The following DOCK8 variants were observed in gnomAD, a reference collection of about 807,000 sequenced individuals.
DOCK8 encodes the protein dedicator of cytokinesis 8.
DOCK8 carries 141 observed loss-of-function variants against 245.6 expected under a neutral mutation model. The observed-to-expected ratio is 0.57, with a 90% CI of 0.50 to 0.66. The LOEUF is 0.66. DOCK8 is among the 30% of genes least tolerant of loss of function. DOCK8 has a pLI of 0.00. For synonymous variants in DOCK8, 1,168 were observed against 970.2 expected, an observed-to-expected ratio of 1.20 and a Z score of -3.79; for missense variants, 2,965 against 2,603.4, an observed-to-expected ratio of 1.14 and a Z score of -3.02.
chr9:260,172 C>T (rs1360059015), intron 1 of DOCK8, among the ~76,000 whole-genome samples: 6 of 152,226 alleles, frequency 3.9e-5, no homozygotes, highest in Non-Finnish European at 7.3e-5. Flanking sequence ...ACCTGTTTAT[C>T]CAACTGCCAA....
intron 9 of DOCK8, among the ~76,000 whole-genome samples, chr9:331,669 T>C (rs2051020012): frequency 6.6e-6 from 1 of 152,244 alleles, no homozygotes; most frequent in Non-Finnish European, 1.5e-5. Context: ...CTTTTAAATA[T>C]GGTGCCCAAA....
At chr9:359,339 C>T (rs1321055100) in intron 14 of DOCK8, among the ~76,000 whole-genome samples, 4 of 152,192 alleles carry the variant, frequency 2.6e-5, no homozygotes, top group African/African-American at 9.6e-5. Flanking sequence ...GCTGTGTTAC[C>T]TGGTACAAGT....
At chr9:440,678 T>G (rs1317366566) in intron 40 of DOCK8, among the ~76,000 whole-genome samples, 1 of 152,212 alleles carries the variant, frequency 6.6e-6, no homozygotes, top group Non-Finnish European at 1.5e-5. Flanking sequence ...ACTGCCTTTC[T>G]GAATTGCTGT....
chr9:368,219 G>A (rs774360150), intron 15 of DOCK8, 84 bp downstream of exon 15: 5 of 1,168,316 alleles, frequency 4.3e-6, no homozygotes, highest in South Asian at 2.4e-5. Context: ...ACTCATCAGT[G>A]TACAAAGTCC....
intron 26 of DOCK8, among the ~76,000 whole-genome samples, chr9:400,995 C>G (rs10974145): frequency 1.8e-5 from 1 of 54,636 alleles, no homozygotes; most frequent in Non-Finnish European, 2.9e-5. Context: ...TCCTCCACCA[C>G]CACCACCATT....
At chr9:453,716 C>T (rs888143637) in intron 46 of DOCK8, among the ~76,000 whole-genome samples, 4 of 152,158 alleles carry the variant, frequency 2.6e-5, no homozygotes, top group African/African-American at 9.7e-5. Context: ...CATATACCAC[C>T]GTGCCCGGCC....
chr9:412,615 T>A (rs879476538), intron 28 of DOCK8, among the ~76,000 whole-genome samples: 5 of 152,074 alleles, frequency 3.3e-5, no homozygotes, highest in Non-Finnish European at 7.4e-5. Context: ...TTCTATACAC[T>A]TACGATGAGC....
intron 7 of DOCK8, 150 bp downstream of exon 7, chr9:317,278 T>C (rs2050388461): frequency 1.4e-6 from 1 of 707,074 alleles, no homozygotes; most frequent in Non-Finnish European, 2.5e-6. Context: ...AAAGGGCACG[T>C]TTGAGTCCAT....
intron 40 of DOCK8, among the ~76,000 whole-genome samples, chr9:439,921 C>T (rs545696904): frequency 1.3e-5 from 2 of 152,194 alleles, no homozygotes; most frequent in Admixed American, 6.5e-5. Flanking sequence ...CTCTGGTTAA[C>T]GTAATCTGGA....
At chr9:463,892 C>G (rs950266535) in intron 47 of DOCK8, among the ~76,000 whole-genome samples, 2 of 152,184 alleles carry the variant, frequency 1.3e-5, no homozygotes, top group African/African-American at 4.8e-5. Context: ...CTCCCAGACA[C>G]CTTGGTGTTG....
At position 325,522 on chromosome 9, in the gene DOCK8, T is replaced by G. The variant is rs771946923; in HGVS notation, c.828-149T>G. 3.0e-4 allele frequency: 209 copies of G among 707,848 alleles called. 2 individuals are homozygous for G. The highest frequency in any genetic ancestry group is 5.9e-5 in the Non-Finnish European group (23 of 392,598). The allele number at this position is 707,848 out of a possible 1,614,324, so 43.8% of individuals were successfully genotyped here. A position where few individuals can be genotyped will look rare whatever the true frequency, so the allele number is the denominator to read the frequency against. ...AACCTCCTATATTTCTCTATTAATA[T>G]CCCAGTGCGATTCTCATATACTTGG... On this transcript the variant is annotated intron_variant, in intron 7 of 47. Coordinates refer to ENST00000432829, the MANE Select transcript of DOCK8 (RefSeq NM_203447.4).
At chr9:370,361 C>G in intron 16 of DOCK8, 61 bp downstream of exon 16, 2 of 1,514,276 alleles carry the variant, frequency 1.3e-6, no homozygotes, top group African/African-American at 1.4e-5. Flanking sequence ...CCTGGTTTTT[C>G]CAAGTCCCGT....
intron 14 of DOCK8, chr9:366,627 A>G (rs1170473787): frequency 6.6e-6 from 1 of 152,250 alleles, no homozygotes; most frequent in Non-Finnish European, 1.5e-5. Flanking sequence ...GAAAGGATAA[A>G]TAAATGAAAG....
In DOCK8 at chr9:225,383, C is replaced by T. The variant is rs978512064; in HGVS notation, c.53+10354C>T. On this transcript the variant is annotated intron_variant, in intron 1 of 47. Transcript: ENST00000432829. Reference sequence around the variant, plus strand: ...CAAACCTGGTGGGAAGAATAGTTAGCAGTGTGCAGAAGGCATTGGAAGGGA... The same window carrying T: ...CAAACCTGGTGGGAAGAATAGTTAGTAGTGTGCAGAAGGCATTGGAAGGGA... Among the ~76,000 whole-genome samples, 7 of 152,232 alleles carry T rather than the reference C, an allele frequency of 4.6e-5. No homozygotes were observed. The East Asian group carries it at 1.4e-3, about 29-fold the overall frequency.
At chr9:252,673 G>GCAT (rs2047677432) in intron 1 of DOCK8, among the ~76,000 whole-genome samples, 1 of 151,658 alleles carries the variant, frequency 6.6e-6, no homozygotes. Context: ...GCCTGGTGAT[G>GCAT]CATGCCTGTA....
rs1385036952 is a variant in DOCK8, at chr9:377,014, C to T, written c.2243C>T (p.Ser748Phe). Residue 748 changes from serine to phenylalanine, a missense_variant, in exon 20 of 48, where the codon TCC (serine) becomes TTC (phenylalanine). Ser to Phe is a radical substitution (Grantham distance 155). Coordinates refer to ENST00000432829, the MANE Select transcript of DOCK8 (RefSeq NM_203447.4). ...GAGAAGTTCTTCACCCTCTGCCACT[C>T]CCTGGAGAGCCAGGTGACCTTCCCC... is the stretch of plus-strand genomic sequence containing the variant. Reference protein sequence around the residue: ...HLEKFFTLCHSLESQVTFPIR... With the variant: ...HLEKFFTLCHFLESQVTFPIR... 1.9e-6 allele frequency: 3 copies of T among 1,613,972 alleles called. No individual in the cohort carries two copies. The highest frequency in any genetic ancestry group is 1.7e-6 in the Non-Finnish European group (2 of 1,180,016).
rs373173806 is a variant in DOCK8 at position 428,517 on chromosome 9, T to G, written c.4473+21T>G. 11 of 1,613,926 alleles carry G rather than the reference T, an allele frequency of 6.8e-6. No homozygotes were observed. In the African/African-American group the frequency reaches 1.5e-4, roughly 22 times the overall value. ...CCAAGGTAAACTTGGGATGCTTGTTTTCTTCCTCTTAATTAAGAGTAAGAT... is the reference window on the plus strand; with the variant it reads ...CCAAGGTAAACTTGGGATGCTTGTTGTCTTCCTCTTAATTAAGAGTAAGAT... On this transcript the variant is annotated intron_variant, in intron 35 of 47. Coordinates refer to ENST00000432829, the MANE Select transcript of DOCK8 (RefSeq NM_203447.4).
rs748615835 is a variant in DOCK8, at chr9:312,176, A to G, written c.741+10A>G. ...CCCATCAGTGGACGAGGTGGGTGCC[A>G]CTGTTTCCATACTGGAGAATCTCAG... On this transcript the variant is annotated intron_variant, in intron 6 of 47. Coordinates refer to ENST00000432829, the MANE Select transcript of DOCK8 (RefSeq NM_203447.4). 6.2e-7 allele frequency: 1 copy of G among 1,613,848 alleles called. No homozygotes were observed. Among genetic ancestry groups the G allele is most frequent in the Admixed American group, 1.7e-5 (1 of 60,004 alleles).
rs1040768331 is a variant in DOCK8, at chr9:261,548, T to C, written c.54-10079T>C. Among the ~76,000 whole-genome samples the C allele has an allele frequency of 2.0e-5, 3 of 152,352 alleles. No individual in the cohort carries two copies. In the East Asian group the frequency reaches 5.8e-4, roughly 29 times the overall value. On this transcript the variant is annotated intron_variant, in intron 1 of 47. Coordinates refer to ENST00000432829, the MANE Select transcript of DOCK8 (RefSeq NM_203447.4). ...GTCGGGGATATGGTCAATATGTAAA[T>C]GTTTAATGTGTGCAAGAAGAATGTG...
Sources: gnomAD v4.1 joint callset for allele counts (sites outside exome capture counted in the v4.1 genomes callset) on GRCh38, gnomAD v4.1.1 for gene constraint, MANE v1.5 for transcripts, NCBI Gene and HGNC (gene_info 2026-07-23, HGNC 2026-07-21) for gene names.